Variants in GPD2 observed in about 807,000 individuals in gnomAD.
The protein encoded by GPD2 is glycerol-3-phosphate dehydrogenase, mitochondrial.
A neutral mutation model predicts 82.4 loss-of-function variants in GPD2; 54 were observed. That is an observed-to-expected ratio of 0.66 (90% CI 0.53 to 0.82). The LOEUF (loss-of-function observed/expected upper bound fraction) is 0.82. Ranked by LOEUF, GPD2 falls within the 40% of genes least tolerant of loss-of-function variation. The pLI is 0.00. For missense variants in GPD2, 748 were observed against 896.2 expected (o/e 0.83, Z 2.11); for synonymous variants, 288 against 306.1 (o/e 0.94, Z 0.62).
upstream of GPD2, among the ~76,000 whole-genome samples, chr2:156,431,328 A>C (rs919728328): frequency 1.3e-5 from 2 of 152,304 alleles, no homozygotes; most frequent in South Asian, 4.1e-4. Context: ...ATGTTTTAAA[A>C]TTTGGTTATG....
In GPD2 at chr2:156,583,339, A is replaced by G. The variant is rs1688098010; in HGVS notation, c.*421A>G. On this transcript the variant is annotated 3_prime_UTR_variant, in exon 17 of 17. Coordinates refer to ENST00000438166, the MANE Select transcript of GPD2 (RefSeq NM_000408.5). ...TTATTAAAAAGAGTTGCCTATTGAA[A>G]TGATCATGTTTCTGGAGAAATTAAG... The G allele has an allele frequency of 8.5e-6, 2 of 234,288 alleles. No homozygotes were observed. Among genetic ancestry groups the G allele is most frequent in the Admixed American group, 5.1e-5 (1 of 19,508 alleles). 14.5% of individuals were successfully genotyped at this position (234,288 alleles called of 1,614,324 possible).
At chr2:156,496,014 A>G (rs1301895360) in intron 2 of GPD2, 30 bp from the exon 3 acceptor site, 2 of 1,573,824 alleles carry the variant, frequency 1.3e-6, no homozygotes, top group East Asian at 2.2e-5. Flanking sequence ...TTCCAAATGG[A>G]CAACTGAAAG....
rs1684978935 is a variant in GPD2 at position 156,511,003 on chromosome 2, T to C, written c.399+83T>C. 3.4e-6 allele frequency: 4 copies of C among 1,180,122 alleles called. No homozygotes were observed. The East Asian group carries it at 9.3e-5, about 28-fold the overall frequency. The allele number at this position is 1,180,122 out of a possible 1,614,324, so 73.1% of individuals were successfully genotyped here. The stretch of plus-strand genomic sequence containing the variant: ...TTAAATCAGGTTTTTTTTTCTTTAA[T>C]GGCTTAAAAGCATTTCTTCCTGTTG... On this transcript the variant is annotated intron_variant, in intron 4 of 16. Coordinates refer to ENST00000438166, the MANE Select transcript of GPD2 (RefSeq NM_000408.5).
chr2:156,407,095 C>G, the GPD2 span, among the ~76,000 whole-genome samples: 1 of 152,050 alleles, frequency 6.6e-6, no homozygotes, highest in Non-Finnish European at 1.5e-5. Flanking sequence ...GCCTGTAATC[C>G]CAGCTACTCG....
intron 1 of GPD2, among the ~76,000 whole-genome samples, chr2:156,445,896 T>C (rs1054093519): frequency 6.6e-6 from 1 of 152,320 alleles, no homozygotes; most frequent in Middle Eastern, 3.4e-3. Flanking sequence ...CTGAAAGGCC[T>C]GAAAATAGAT....
chr2:156,498,391 T>C (rs1684462958), intron 3 of GPD2, among the ~76,000 whole-genome samples: 1 of 152,248 alleles, frequency 6.6e-6, no homozygotes, highest in African/African-American at 2.4e-5. Context: ...CTACATAGAA[T>C]GGTCAGGAGT....
intron 6 of GPD2, among the ~76,000 whole-genome samples, chr2:156,523,908 T>A (rs1250321941): frequency 6.6e-6 from 1 of 152,214 alleles, no homozygotes; most frequent in African/African-American, 2.4e-5. Context: ...CTCATAACTT[T>A]ATTAGGCTCC....
chr2:156,435,195 C>T (rs1688390364), upstream of GPD2: 1 of 152,050 alleles, frequency 6.6e-6, no homozygotes, highest in African/African-American at 2.4e-5. Context: ...AAAAAAATAC[C>T]ACTGCTTTTT....
At position 156,510,771 on chromosome 2, in the gene GPD2, T is replaced by A. The variant is rs368263096; in HGVS notation, c.275-25T>A. On this transcript the variant is annotated intron_variant, in intron 3 of 16. Coordinates refer to ENST00000438166, the MANE Select transcript of GPD2 (RefSeq NM_000408.5). ...CATACAAATTGTGTAATTTAAGAAG[T>A]TAATTTGGTTTTCTGGTTACACAGG... The A allele has an allele frequency of 5.6e-6, 9 of 1,597,974 alleles. 1 individual carries two copies. The South Asian group carries it at 9.9e-5, about 18-fold the overall frequency.
intron 1 of GPD2, 167 bp downstream of exon 1, chr2:156,436,680 T>G (rs1681936757): frequency 6.6e-6 from 1 of 152,332 alleles, no homozygotes; most frequent in African/African-American, 2.4e-5. Flanking sequence ...ATGGATTCGC[T>G]CTTCTCTAGG....
the GPD2 span, among the ~76,000 whole-genome samples, chr2:156,418,066 A>C: frequency 6.8e-6 from 1 of 147,524 alleles, no homozygotes; most frequent in Non-Finnish European, 1.5e-5. Context: ...AATACAAAAA[A>C]TAGCTGGGCA....
chr2:156,480,604 C>T (rs1157025402), intron 2 of GPD2, among the ~76,000 whole-genome samples: 3 of 136,152 alleles, frequency 2.2e-5, no homozygotes, highest in Non-Finnish European at 4.8e-5. Flanking sequence ...AGGTTTGTTC[C>T]TTCCATGACC....
At chr2:156,488,142 A>G (rs768023462) in intron 2 of GPD2, among the ~76,000 whole-genome samples, 13 of 152,056 alleles carry the variant, frequency 8.5e-5, no homozygotes, top group Admixed American at 6.6e-5. Context: ...TGGCAACTCT[A>G]TCTACAGAGT....
At chr2:156,443,417 A>AT (rs1428773684) in intron 1 of GPD2, among the ~76,000 whole-genome samples, 1 of 152,192 alleles carries the variant, frequency 6.6e-6, no homozygotes, top group Non-Finnish European at 1.5e-5. Context: ...TGGTTGCCCC[A>AT]TAATTCAGTC....
chr2:156,420,978 A>G, the GPD2 span, among the ~76,000 whole-genome samples: 1 of 152,218 alleles, frequency 6.6e-6, no homozygotes, highest in Non-Finnish European at 1.5e-5. Flanking sequence ...ATCTACTCAC[A>G]GATTCTTTAT....
At chr2:156,442,487 AGTT>A (rs1220005918) in intron 1 of GPD2, among the ~76,000 whole-genome samples, 1 of 152,236 alleles carries the variant, frequency 6.6e-6, no homozygotes, top group African/African-American at 2.4e-5. Flanking sequence ...GGTTCTCAAA[AGTT>A]GTTTTCTTTT....
intron 6 of GPD2, among the ~76,000 whole-genome samples, chr2:156,544,450 T>C (rs1558952781): frequency 6.6e-6 from 1 of 152,298 alleles, no homozygotes; most frequent in East Asian, 1.9e-4. Flanking sequence ...GCAAAGGGCA[T>C]GGCTACAGGG....
At chr2:156,578,397 A>G (rs551863137) in intron 13 of GPD2, among the ~76,000 whole-genome samples, 3 of 151,976 alleles carry the variant, frequency 2.0e-5, no homozygotes, top group Admixed American at 6.5e-5. Flanking sequence ...TCACCAAACT[A>G]CAAGAATTTG....
At chr2:156,511,516 A>G (rs1236698429) in intron 4 of GPD2, among the ~76,000 whole-genome samples, 2 of 152,162 alleles carry the variant, frequency 1.3e-5, no homozygotes, top group Non-Finnish European at 2.9e-5. Context: ...CTGGCTTGAC[A>G]TTGTCAAGTT....
Sources: allele counts gnomAD v4.1 joint callset (sites outside exome capture counted in the v4.1 genomes callset), GRCh38; gene constraint gnomAD v4.1.1; transcripts MANE v1.5; gene names NCBI Gene and HGNC (gene_info 2026-07-23, HGNC 2026-07-21).